OGA: variants seen among roughly 807,000 people sequenced by gnomAD.
OGA encodes the protein O-GlcNAcase, also known as protein O-GlcNAcase.
Under a neutral mutation model 102.0 loss-of-function variants are expected in OGA, and 21 were observed. The observed-to-expected ratio is 0.21, with a 90% CI of 0.15 to 0.30. The LOEUF is 0.30. Among genes scored for constraint, OGA ranks in the 10% least tolerant of loss-of-function variants. OGA has a pLI of 1.00. For missense variants in OGA, 765 were observed against 1,107.8 expected, an observed-to-expected ratio of 0.69 and a Z score of 4.39; for synonymous variants, 408 against 378.2, an observed-to-expected ratio of 1.08 and a Z score of -0.91.
chr10:101,787,915 G>A (rs1423016027), intron 14 of OGA: 1 of 164,144 alleles, frequency 6.1e-6, no homozygotes, highest in African/African-American at 2.4e-5. Flanking sequence ...TTAAAAGCTT[G>A]GGCCAGAGAT....
intron 14 of OGA, among the ~76,000 whole-genome samples, chr10:101,788,235 T>C (rs2065214647): frequency 6.7e-6 from 1 of 150,362 alleles, no homozygotes; most frequent in African/African-American, 2.4e-5. Context: ...CTCAGGAGTT[T>C]GTGACCAGCC....
intron 3 of OGA, among the ~76,000 whole-genome samples, chr10:101,812,147 C>T (rs2065566674): frequency 6.6e-6 from 1 of 152,194 alleles, no homozygotes; most frequent in South Asian, 2.1e-4. Context: ...AAATGTTTCA[C>T]CATTTACAAG....
intron 4 of OGA, among the ~76,000 whole-genome samples, chr10:101,809,016 G>A (rs1229182507): frequency 1.3e-5 from 2 of 151,850 alleles, no homozygotes; most frequent in African/African-American, 2.4e-5. Flanking sequence ...ACCAAAGGAA[G>A]TCTGCAGCTT....
intron 7 of OGA, among the ~76,000 whole-genome samples, chr10:101,802,769 G>A (rs1199399730): frequency 6.6e-6 from 1 of 151,658 alleles, no homozygotes; most frequent in Non-Finnish European, 1.5e-5. Context: ...TAATTATCAA[G>A]CACCTTACTT....
chr10:101,817,711 T>A (rs2065656335), intron 1 of OGA, 113 bp downstream of exon 1: 6 of 1,242,806 alleles, frequency 4.8e-6, no homozygotes, highest in Non-Finnish European at 6.6e-6. Context: ...AGGGCCACAT[T>A]TCAGACCCAG....
chr10:101,804,036 C>T lies in OGA; in HGVS notation c.752-17G>A. ...CTTTGGGACCTAGAAATAACGACAA[C>T]CGTTCGTTAAAAGAATCATGGTTCT... is the stretch of plus-strand genomic sequence containing the variant. On this transcript the variant is annotated splice_polypyrimidine_tract_variant and intron_variant, in intron 6 of 15. Transcript: ENST00000361464. 6.3e-7 allele frequency: 1 copy of T among 1,596,636 alleles called. No homozygotes were observed. The highest frequency in any genetic ancestry group is 8.5e-7 in the Non-Finnish European group (1 of 1,170,256).
chr10:101,805,471 A>G (rs540640984), intron 6 of OGA, among the ~76,000 whole-genome samples: 4 of 152,134 alleles, frequency 2.6e-5, no homozygotes, highest in Admixed American at 2.6e-4. Context: ...CCTGGCTAAC[A>G]TGGAGAAACC....
intron 1 of OGA, among the ~76,000 whole-genome samples, chr10:101,816,468 A>T (rs967039623): frequency 6.6e-6 from 1 of 152,232 alleles, no homozygotes; most frequent in Non-Finnish European, 1.5e-5. Flanking sequence ...TTATAACTGA[A>T]GGTATAATGG....
Position 101,806,155 on chromosome 10 carries a change from G to A in OGA, c.653-12C>T, listed in dbSNP as rs756929204. 1.3e-6 allele frequency: 2 copies of A among 1,507,086 alleles called. No individual in the cohort carries two copies. The highest frequency in any genetic ancestry group is 1.7e-5 in the Admixed American group (1 of 58,808). The allele number at this position is 1,507,086 out of a possible 1,614,324, so 93.4% of individuals were successfully genotyped here. ...AGTGCCACAGTATTCTAAATGTAGG[G>A]AGAAAAGTAAAAAAGTCAGAATTAA... is the stretch of plus-strand genomic sequence containing the variant. On this transcript the variant is annotated splice_polypyrimidine_tract_variant and intron_variant, in intron 5 of 15. Coordinates refer to ENST00000361464, the MANE Select transcript of OGA (RefSeq NM_012215.5).
At chr10:101,805,930 G>A (rs2065466408) in intron 6 of OGA, 115 bp downstream of exon 6, 1 of 658,660 alleles carries the variant, frequency 1.5e-6, no homozygotes, top group African/African-American at 1.9e-5. Context: ...ACTCCATCCT[G>A]GGCGACAGAG....
intron 6 of OGA, among the ~76,000 whole-genome samples, chr10:101,805,090 G>A (rs2065450688): frequency 1.3e-5 from 2 of 151,914 alleles, no homozygotes; most frequent in Admixed American, 1.3e-4. Flanking sequence ...AGGCTGGAGT[G>A]CAGTGGCATG....
In OGA at chr10:101,798,938, A is replaced by G. The variant is rs1202050390; in HGVS notation, c.1713T>C (p.His571=). ...LADLFYLPYE[H]GPKGAQMLRE... Reference sequence around the variant, plus strand: ...GTAACATCTGTGCTCCTTTGGGTCCATGCTCGTAAGGAAGGTAGAATAGAT... The same window carrying G: ...GTAACATCTGTGCTCCTTTGGGTCCGTGCTCGTAAGGAAGGTAGAATAGAT... Residue 571 remains histidine (H), a synonymous_variant, in exon 9 of 16, where the codon CAT becomes CAC. Transcript: ENST00000361464. The G allele has an allele frequency of 1.9e-6, 3 of 1,614,172 alleles. No individual in the cohort carries two copies. The highest frequency in any genetic ancestry group is 2.2e-5 in the East Asian group (1 of 44,880).
chr10:101,818,040 C>T lies in OGA; in HGVS notation c.-18G>A. ...TGCACCATCCTCCTGCCCCCGGCCG[C>T]TGCCACCTCTGCGGGTCCTCCTCGA... On this transcript the variant is annotated 5_prime_UTR_variant, in exon 1 of 16. Transcript: ENST00000361464. 1 of 1,550,762 alleles carries T rather than the reference C, an allele frequency of 6.4e-7. No individual in the cohort carries two copies. The highest frequency in any genetic ancestry group is 8.7e-7 in the Non-Finnish European group (1 of 1,144,264).
chr10:101,811,406 G>GGA (rs2065554830), intron 3 of OGA, among the ~76,000 whole-genome samples: 1 of 45,704 alleles, frequency 2.2e-5, no homozygotes, highest in African/African-American at 9.9e-5. Flanking sequence ...GAAAAAAAAT[G>GGA]AAAAAAAAAA....
intron 10 of OGA, 116 bp from the exon 11 acceptor site, chr10:101,794,114 G>A (rs1175362500): frequency 1.5e-6 from 1 of 669,716 alleles, no homozygotes; most frequent in Non-Finnish European, 2.6e-6. Flanking sequence ...AATAATCAGG[G>A]TTTCAGGGCA....
intron 11 of OGA, 102 bp downstream of exon 11, chr10:101,793,811 A>G: frequency 1.2e-6 from 1 of 832,830 alleles, no homozygotes; most frequent in Non-Finnish European, 1.9e-6. Flanking sequence ...TTGGGACTAG[A>G]AAGCCTTCGG....
chr10:101,805,537 C>A (rs1351382402), intron 6 of OGA, among the ~76,000 whole-genome samples: 2 of 151,656 alleles, frequency 1.3e-5, no homozygotes, highest in Non-Finnish European at 2.9e-5. Flanking sequence ...TGCCTGTAAT[C>A]CCAGCTACTT....
At chr10:101,800,682 T>G (rs1228322960) in intron 7 of OGA, among the ~76,000 whole-genome samples, 1 of 152,106 alleles carries the variant, frequency 6.6e-6, no homozygotes, top group African/African-American at 2.4e-5. Flanking sequence ...AACCGTCTAC[T>G]GAGTACTAAT....
At chr10:101,807,974 A>G in intron 4 of OGA, 73 bp from the exon 5 acceptor site, 1 of 1,192,750 alleles carries the variant, frequency 8.4e-7, no homozygotes, top group Non-Finnish European at 1.1e-6. Context: ...GTTAACAGTT[A>G]TACTTAAAAT....
Sources: gnomAD v4.1 joint callset for allele counts (sites outside exome capture counted in the v4.1 genomes callset) on GRCh38, gnomAD v4.1.1 for gene constraint, MANE v1.5 for transcripts, NCBI Gene and HGNC (gene_info 2026-07-23, HGNC 2026-07-21) for gene names.